ADAMTS12: variants seen among roughly 807,000 people sequenced by gnomAD.
ADAMTS12 encodes ADAM metallopeptidase with thrombospondin type 1 motif 12, also known as A disintegrin and metalloproteinase with thrombospondin motifs 12.
ADAMTS12 carries 118 observed loss-of-function variants against 167.8 expected under a neutral mutation model. The ratio of observed to expected loss-of-function variants is 0.70; its 90% confidence interval spans 0.61 to 0.82. The LOEUF is 0.82. ADAMTS12 is among the 40% of genes least tolerant of loss of function. The pLI is 0.00. For missense variants in ADAMTS12, 1,916 were observed against 1,998.8 expected (o/e 0.96, Z 0.79); for synonymous variants, 704 against 716.9 (o/e 0.98, Z 0.29).
intron 3 of ADAMTS12, among the ~76,000 whole-genome samples, chr5:33,715,792 T>A (rs959982878): frequency 6.6e-6 from 1 of 152,106 alleles, no homozygotes; most frequent in Non-Finnish European, 1.5e-5. Context: ...GAACTATTTT[T>A]AAAAATTAAC....
intron 23 of ADAMTS12, among the ~76,000 whole-genome samples, chr5:33,534,100 G>A (rs568583677): frequency 6.6e-6 from 1 of 152,178 alleles, no homozygotes; most frequent in African/African-American, 2.4e-5. Flanking sequence ...CCAACCTATA[G>A]GAGCTCCTTT....
chr5:33,626,443 T>C (rs1489639558), intron 13 of ADAMTS12, among the ~76,000 whole-genome samples: 3 of 149,214 alleles, frequency 2.0e-5, no homozygotes, highest in Non-Finnish European at 4.4e-5. Context: ...GTGATGGTAG[T>C]GATTTGATGG....
chr5:33,605,667 C>T (rs1273103720), intron 16 of ADAMTS12, among the ~76,000 whole-genome samples: 6 of 152,046 alleles, frequency 3.9e-5, no homozygotes, highest in Admixed American at 1.3e-4. Flanking sequence ...CAGAGTAAAT[C>T]GAGAAGTTTC....
At chr5:33,792,827 C>A (rs916661074) in intron 2 of ADAMTS12, among the ~76,000 whole-genome samples, 1 of 152,238 alleles carries the variant, frequency 6.6e-6, no homozygotes, top group African/African-American at 2.4e-5. Flanking sequence ...CTCCACTCAA[C>A]CTTTGGCTGG....
intron 3 of ADAMTS12, among the ~76,000 whole-genome samples, chr5:33,706,307 C>T (rs911212995): frequency 1.3e-5 from 2 of 152,026 alleles, no homozygotes; most frequent in Middle Eastern, 3.2e-3. Context: ...GTTAAAGTCC[C>T]CCACTATTAT....
At chr5:33,598,120 CA>C (rs1738001090) in intron 16 of ADAMTS12, among the ~76,000 whole-genome samples, 2 of 152,216 alleles carry the variant, frequency 1.3e-5, no homozygotes, top group East Asian at 3.9e-4. Context: ...TCATCAAGGG[CA>C]AAAGGAAAAG....
At chr5:33,636,633 C>G (rs1350692083) in intron 12 of ADAMTS12, among the ~76,000 whole-genome samples, 2 of 152,150 alleles carry the variant, frequency 1.3e-5, no homozygotes, top group Non-Finnish European at 2.9e-5. Flanking sequence ...ATACACAATT[C>G]TCAAATCTGT....
chr5:33,801,448 C>T (rs1369651166), intron 2 of ADAMTS12, among the ~76,000 whole-genome samples: 1 of 152,186 alleles, frequency 6.6e-6, no homozygotes, highest in East Asian at 1.9e-4. Flanking sequence ...CATGACATGA[C>T]AGGATGTGCT....
chr5:33,637,485 C>T (rs1740247925), intron 12 of ADAMTS12, 92 bp downstream of exon 12: 32 of 1,358,444 alleles, frequency 2.4e-5, no homozygotes, highest in Non-Finnish European at 3.0e-5. Flanking sequence ...CTTTGTTAAG[C>T]TTTGTGTGGA....
chr5:33,660,625 T>C (rs1741224813), intron 6 of ADAMTS12, among the ~76,000 whole-genome samples: 1 of 152,188 alleles, frequency 6.6e-6, no homozygotes, highest in Non-Finnish European at 1.5e-5. Context: ...GGTTCTTCCC[T>C]ACAGAAGTTT....
At position 33,776,941 on chromosome 5, in the gene ADAMTS12, T is replaced by A. The variant is rs142045583; in HGVS notation, c.490-25393A>T. Among the ~76,000 whole-genome samples, 5 of 152,050 alleles carry A rather than the reference T, an allele frequency of 3.3e-5. No homozygotes were observed. The East Asian group carries it at 9.6e-4, about 29-fold the overall frequency. ...GAAAACCTAAAAGAAATGGATAAAT[T>A]CCTAGAAACCTACAACCTGCCAAGT... On this transcript the variant is annotated intron_variant, in intron 2 of 23. Coordinates refer to ENST00000504830, the MANE Select transcript of ADAMTS12 (RefSeq NM_030955.4).
rs149976641 is a variant in ADAMTS12, at chr5:33,831,885, T to C, written c.489+49234A>G. Among the ~76,000 whole-genome samples, 35 of 152,316 alleles carry C rather than the reference T, an allele frequency of 2.3e-4. No individual in the cohort carries two copies. The East Asian group carries it at 6.0e-3, about 26-fold the overall frequency. ...CTATGGCCGAGGCCACTGCAGAAGC[T>C]AGAAGTGGGGAGGTCCTCTCAAGGA... On this transcript the variant is annotated intron_variant, in intron 2 of 23. Coordinates refer to ENST00000504830, the MANE Select transcript of ADAMTS12 (RefSeq NM_030955.4).
At chr5:33,597,569 C>T (rs960866501) in intron 16 of ADAMTS12, among the ~76,000 whole-genome samples, 7 of 152,212 alleles carry the variant, frequency 4.6e-5, no homozygotes, top group African/African-American at 1.4e-4. Context: ...CCTCGCACTG[C>T]CTCAGCATGG....
chr5:33,787,875 C>T (rs566450065), intron 2 of ADAMTS12, among the ~76,000 whole-genome samples: 7 of 150,308 alleles, frequency 4.7e-5, no homozygotes, highest in African/African-American at 1.5e-4. Flanking sequence ...TCTCGTGACT[C>T]TTCCACACAT....
intron 16 of ADAMTS12, 27 bp from the exon 17 acceptor site, chr5:33,596,087 C>T (rs781773875): frequency 5.6e-6 from 9 of 1,612,294 alleles, no homozygotes; most frequent in South Asian, 1.1e-5. Flanking sequence ...AAGATTCACA[C>T]ATATTGAATC....
At position 33,549,216 on chromosome 5, in the gene ADAMTS12, A is replaced by G. The variant is rs772876463; in HGVS notation, c.4293T>C (p.Pro1431=). ...PEPCEAWQVE[P]WSQCSRSCGG... ...TTTGTGGGGGACCTACCTGGCTCCA[A>G]GGCTCCACCTGCCACGCCTCACAGG... Residue 1431 remains proline, a synonymous_variant, in exon 21 of 24, where the codon CCT becomes CCC. Coordinates refer to ENST00000504830, the MANE Select transcript of ADAMTS12 (RefSeq NM_030955.4). 3 of 1,613,192 alleles carry G rather than the reference A, an allele frequency of 1.9e-6. No individual in the cohort carries two copies. Among genetic ancestry groups the G allele is most frequent in the Non-Finnish European group, 2.5e-6 (3 of 1,179,220 alleles).
chr5:33,822,305 A>G (rs1166651607), intron 2 of ADAMTS12, among the ~76,000 whole-genome samples: 1 of 152,170 alleles, frequency 6.6e-6, no homozygotes, highest in African/African-American at 2.4e-5. Context: ...TAAGTGGCCA[A>G]CCTCACCCTG....
chr5:33,691,787 C>T (rs1194074831), intron 3 of ADAMTS12, among the ~76,000 whole-genome samples: 1 of 152,202 alleles, frequency 6.6e-6, no homozygotes, highest in Non-Finnish European at 1.5e-5. Flanking sequence ...AGAGATTACT[C>T]ACTAAGACCT....
chr5:33,591,017 G>C (rs983354514), intron 17 of ADAMTS12, among the ~76,000 whole-genome samples: 17 of 150,010 alleles, frequency 1.1e-4, no homozygotes, highest in Non-Finnish European at 1.9e-4. Flanking sequence ...CCCACCTCTT[G>C]TTGGAGATTT....
Sources: gnomAD v4.1 joint callset for allele counts (sites outside exome capture counted in the v4.1 genomes callset) on GRCh38, gnomAD v4.1.1 for gene constraint, MANE v1.5 for transcripts, NCBI Gene and HGNC (gene_info 2026-07-23, HGNC 2026-07-21) for gene names.